Variants in COL5A2 observed in about 807,000 individuals in gnomAD.
The protein encoded by COL5A2 is collagen alpha-2(V) chain.
A neutral mutation model predicts 208.2 loss-of-function variants in COL5A2; 23 were observed. That is an observed-to-expected ratio of 0.11 (90% CI 0.08 to 0.16). COL5A2 has a LOEUF of 0.16. Ranked by LOEUF, COL5A2 falls within the 10% of genes least tolerant of loss-of-function variation. COL5A2 has a pLI of 1.00. For missense variants in COL5A2, 1,590 were observed against 1,956.4 expected (o/e 0.81, Z 3.53); for synonymous variants, 625 against 628.5 (o/e 0.99, Z 0.08).
chr2:189,397,094 A>G, the COL5A2 span, among the ~76,000 whole-genome samples: 6 of 152,116 alleles, frequency 3.9e-5, no homozygotes, highest in Non-Finnish European at 5.9e-5. Flanking sequence ...TGAAAACCCT[A>G]ATCCCCAAAG....
the COL5A2 span, among the ~76,000 whole-genome samples, chr2:189,408,008 A>C: frequency 1.3e-5 from 2 of 152,168 alleles, no homozygotes; most frequent in Non-Finnish European, 2.9e-5. Context: ...AGTAGACTGC[A>C]TTACTTCAGG....
chr2:189,349,057 A>T, the COL5A2 span, among the ~76,000 whole-genome samples: 1 of 152,172 alleles, frequency 6.6e-6, no homozygotes, highest in Non-Finnish European at 1.5e-5. Context: ...TAATCTCCCA[A>T]CATTCTCCAT....
intron 2 of COL5A2, among the ~76,000 whole-genome samples, chr2:189,109,772 G>A (rs139160908): frequency 0.011 from 1,639 of 152,296 alleles, 11 homozygotes; most frequent in Non-Finnish European, 0.017. Context: ...AAGAGCCAAT[G>A]TAATACAGGG....
In COL5A2 at chr2:189,054,149, T is replaced by A; in HGVS notation, c.2445+10A>T. The A allele has an allele frequency of 6.2e-7, 1 of 1,613,296 alleles. No individual in the cohort carries two copies. Among genetic ancestry groups the A allele is most frequent in the Non-Finnish European group, 8.5e-7 (1 of 1,179,218 alleles). On this transcript the variant is annotated intron_variant, in intron 36 of 53. Coordinates refer to ENST00000374866, the MANE Select transcript of COL5A2 (RefSeq NM_000393.5). The stretch of plus-strand genomic sequence containing the variant: ...ATTTTGAGTGTACAAATTAACAACT[T>A]GTGACTTACCTTTTCTCCAGTAGGA...
intron 1 of COL5A2, among the ~76,000 whole-genome samples, chr2:189,197,470 T>TA (rs1293601178): frequency 6.6e-6 from 1 of 151,888 alleles, no homozygotes; most frequent in African/African-American, 2.4e-5. Flanking sequence ...ATTAATTAAT[T>TA]AAAAAATTAT....
At chr2:189,060,681 T>C (rs374562778) in intron 31 of COL5A2, 49 bp downstream of exon 31, 3 of 1,466,626 alleles carry the variant, frequency 2.0e-6, no homozygotes, top group Non-Finnish European at 1.9e-6. Flanking sequence ...AAAGTGATAA[T>C]TGAGCCAGCA....
the COL5A2 span, among the ~76,000 whole-genome samples, chr2:189,263,172 T>C: frequency 6.6e-6 from 1 of 152,080 alleles, no homozygotes; most frequent in Admixed American, 6.6e-5. Context: ...TCAATTGTTA[T>C]AACAAATAAA....
At chr2:189,144,498 C>T (rs1347458373) in intron 1 of COL5A2, among the ~76,000 whole-genome samples, 3 of 91,618 alleles carry the variant, frequency 3.3e-5, no homozygotes, top group South Asian at 4.3e-4. Context: ...CCATACAATG[C>T]TGAATGAGTG....
At chr2:189,421,876 C>T in the COL5A2 span, among the ~76,000 whole-genome samples, 7 of 152,158 alleles carry the variant, frequency 4.6e-5, no homozygotes, top group Non-Finnish European at 2.9e-5. Flanking sequence ...CAGCTCCACA[C>T]CAGCTTCAGT....
intron 17 of COL5A2, among the ~76,000 whole-genome samples, chr2:189,072,765 C>CAAAAAAAAA (rs58636533): frequency 0.014 from 928 of 67,184 alleles, 13 homozygotes; most frequent in Non-Finnish European, 0.018. Flanking sequence ...ACTCCATCTC[C>CAAAAAAAAA]AAAAAAAAAA....
At chr2:189,085,858 T>C in intron 9 of COL5A2, 86 bp from the exon 10 acceptor site, 1 of 1,133,300 alleles carries the variant, frequency 8.8e-7, no homozygotes, top group Non-Finnish European at 1.3e-6. Context: ...GTGTAATTGT[T>C]TAGACAGTTG....
At chr2:189,075,311 T>G in intron 17 of COL5A2, 82 bp downstream of exon 17, 1 of 980,182 alleles carries the variant, frequency 1.0e-6, no homozygotes, top group Non-Finnish European at 1.6e-6. Context: ...ATGTGGTGAG[T>G]GCTCTGTAAA....
At chr2:189,294,962 T>C in the COL5A2 span, among the ~76,000 whole-genome samples, 1 of 152,092 alleles carries the variant, frequency 6.6e-6, no homozygotes, top group African/African-American at 2.4e-5. Flanking sequence ...CATACCACCA[T>C]GCCTAGCTAA....
At chr2:189,118,752 C>CTAA (rs1244379178) in intron 1 of COL5A2, among the ~76,000 whole-genome samples, 5 of 152,070 alleles carry the variant, frequency 3.3e-5, no homozygotes, top group African/African-American at 1.2e-4. Flanking sequence ...CTAATTTTAT[C>CTAA]CTCTTGGAAA....
the COL5A2 span, among the ~76,000 whole-genome samples, chr2:189,230,999 A>T: frequency 1.3e-5 from 2 of 151,996 alleles, no homozygotes; most frequent in East Asian, 3.9e-4. Context: ...CAGCCACTTA[A>T]AAAAGAAAAT....
At chr2:189,068,758 C>A in intron 19 of COL5A2, 28 bp downstream of exon 19, 1 of 1,482,256 alleles carries the variant, frequency 6.7e-7, no homozygotes, top group Non-Finnish European at 9.4e-7. Context: ...GCTTTCTGGG[C>A]TGGTTCTTAA....
chr2:189,106,460 G>T (rs543183192), intron 2 of COL5A2, among the ~76,000 whole-genome samples: 1 of 151,244 alleles, frequency 6.6e-6, no homozygotes, highest in South Asian at 2.1e-4. Context: ...GCACTCTCAT[G>T]TCTTACTAAA....
At chr2:189,088,900 T>C in intron 7 of COL5A2, 128 bp from the exon 8 acceptor site, 2 of 810,440 alleles carry the variant, frequency 2.5e-6, no homozygotes, top group East Asian at 2.6e-5. Context: ...TTCTAAGTGC[T>C]TGACTTTAAA....
the COL5A2 span, among the ~76,000 whole-genome samples, chr2:189,255,385 T>C: frequency 1.3e-5 from 2 of 152,192 alleles, no homozygotes; most frequent in Non-Finnish European, 1.5e-5. Flanking sequence ...CCATCTGTAC[T>C]TCTGCTTTTC....
Sources: allele counts gnomAD v4.1 joint callset (sites outside exome capture counted in the v4.1 genomes callset), GRCh38; gene constraint gnomAD v4.1.1; transcripts MANE v1.5; gene names NCBI Gene and HGNC (gene_info 2026-07-23, HGNC 2026-07-21).